The following LIMCH1 variants were observed in gnomAD, a reference collection of about 807,000 sequenced individuals.
LIMCH1 encodes LIM and calponin homology domains-containing protein 1.
A neutral mutation model predicts 176.5 loss-of-function variants in LIMCH1; 113 were observed. That is an observed-to-expected ratio of 0.64 (90% CI 0.55 to 0.75). LIMCH1 has a LOEUF of 0.75. Ranked by LOEUF, LIMCH1 falls within the 30% of genes least tolerant of loss-of-function variation. The pLI is 0.00. For missense variants in LIMCH1, 1,674 were observed against 1,814.9 expected, an observed-to-expected ratio of 0.92 and a Z score of 1.41; for synonymous variants, 619 against 645.9, an observed-to-expected ratio of 0.96 and a Z score of 0.63.
chr4:41,619,849 A>G, intron 6 of LIMCH1: 1 of 217,092 alleles, frequency 4.6e-6, no homozygotes, highest in East Asian at 9.9e-5. Context: ...AACTTGATAT[A>G]AGCTCAAATA....
intron 15 of LIMCH1, 124 bp downstream of exon 15, chr4:41,644,750 G>T: frequency 8.4e-7 from 1 of 1,186,686 alleles, no homozygotes; most frequent in African/African-American, 1.6e-5. Context: ...GTTTCAAAAG[G>T]TGACACGGTA....
At chr4:41,640,092 G>A (rs2093756799) in intron 14 of LIMCH1, among the ~76,000 whole-genome samples, 1 of 152,152 alleles carries the variant, frequency 6.6e-6, no homozygotes, top group Non-Finnish European at 1.5e-5. Context: ...AAACTCCAGG[G>A]CCAAGTTTCC....
chr4:41,602,607 A>C (rs999308843), intron 2 of LIMCH1, among the ~76,000 whole-genome samples: 7 of 152,142 alleles, frequency 4.6e-5, no homozygotes, highest in African/African-American at 7.2e-5. Flanking sequence ...TCACGAGGTC[A>C]GGAGATGGAG....
At chr4:41,684,174 G>A (rs903272264) in intron 26 of LIMCH1, among the ~76,000 whole-genome samples, 2 of 152,184 alleles carry the variant, frequency 1.3e-5, no homozygotes, top group Non-Finnish European at 2.9e-5. Context: ...TGTGGACAGA[G>A]AAGGCATCAG....
intron 1 of LIMCH1, among the ~76,000 whole-genome samples, chr4:41,446,008 A>C (rs2063244061): frequency 6.6e-6 from 1 of 152,210 alleles, no homozygotes; most frequent in African/African-American, 2.4e-5. Context: ...TAACAGAACG[A>C]AGTTTCCCTA....
chr4:41,603,641 G>A (rs1422515846), intron 2 of LIMCH1, among the ~76,000 whole-genome samples: 2 of 152,092 alleles, frequency 1.3e-5, no homozygotes, highest in South Asian at 2.1e-4. Flanking sequence ...ATAAAGCATC[G>A]TCTTTTTATA....
At chr4:41,640,205 T>A (rs1165483416) in intron 14 of LIMCH1, among the ~76,000 whole-genome samples, 1 of 152,196 alleles carries the variant, frequency 6.6e-6, no homozygotes, top group Non-Finnish European at 1.5e-5. Context: ...TGAGCCCTGG[T>A]TATTACTTTT....
intron 1 of LIMCH1, among the ~76,000 whole-genome samples, chr4:41,545,000 G>T (rs1401618500): frequency 6.6e-6 from 1 of 152,114 alleles, no homozygotes. Flanking sequence ...ATTCTGAAAG[G>T]AACTGCTCTG....
intron 21 of LIMCH1, among the ~76,000 whole-genome samples, chr4:41,670,276 C>G (rs1178377211): frequency 6.6e-6 from 1 of 152,108 alleles, no homozygotes; most frequent in East Asian, 1.9e-4. Context: ...AAACTTCTGC[C>G]ACAGACTTCT....
intron 14 of LIMCH1, 135 bp from the exon 15 acceptor site, chr4:41,644,365 C>T (rs1490113761): frequency 3.4e-6 from 4 of 1,183,878 alleles, no homozygotes; most frequent in Non-Finnish European, 4.5e-6. Flanking sequence ...CCGCCAGTCA[C>T]GCGCTGTGCG....
In LIMCH1 at chr4:41,380,523, T is replaced by A. The variant is rs553056304; in HGVS notation, c.96+19587T>A. Among the ~76,000 whole-genome samples, 12 of 152,192 alleles carry A rather than the reference T, an allele frequency of 7.9e-5. No individual in the cohort carries two copies. In the East Asian group the frequency reaches 2.1e-3, roughly 27 times the overall value. ...CATGTAATAATAATTACTGCCTCCC[T>A]GCTAGTGGAGAGCTCTGGCTCAGCA... On this transcript the variant is annotated intron_variant, in intron 1 of 26. Transcript: ENST00000313860.
rs1361658459 is a variant in LIMCH1, at chr4:41,629,597, C to T, written c.1134C>T (p.His378=). 1.6e-5 allele frequency: 24 copies of T among 1,535,998 alleles called. No individual in the cohort carries two copies. Among genetic ancestry groups the T allele is most frequent in the Non-Finnish European group, 1.8e-5 (21 of 1,146,910 alleles). ...GACTCAGGAAGGTGCCAGATCTTCACAAGGATGACCTGGCCCAGCAGAGAA... is the reference window on the plus strand; with the variant it reads ...GACTCAGGAAGGTGCCAGATCTTCATAAGGATGACCTGGCCCAGCAGAGAA... ...EGGLRKVPDL[H]KDDLAQQRIQ... The change falls in exon 9 of 32, where the codon CAC becomes CAT. Residue 378 remains histidine (H), a synonymous_variant. Transcript: ENST00000503057.
At chr4:41,455,022 T>G (rs1043681384) in intron 1 of LIMCH1, among the ~76,000 whole-genome samples, 1 of 151,440 alleles carries the variant, frequency 6.6e-6, no homozygotes, top group African/African-American at 2.4e-5. Flanking sequence ...TTTGACTGAT[T>G]AGTTGGGGTT....
At chr4:41,474,674 A>G (rs1582809033) in intron 1 of LIMCH1, among the ~76,000 whole-genome samples, 2 of 152,222 alleles carry the variant, frequency 1.3e-5, no homozygotes, top group Non-Finnish European at 2.9e-5. Flanking sequence ...ACAATAGATA[A>G]CAAACATTGG....
At chr4:41,619,875 G>A (rs1393179072) in intron 6 of LIMCH1, 2 of 205,494 alleles carry the variant, frequency 9.7e-6, no homozygotes, top group Non-Finnish European at 2.0e-5. Context: ...TGCATGGAAT[G>A]TGGTTCACAA....
intron 31 of LIMCH1, among the ~76,000 whole-genome samples, chr4:41,696,824 C>A (rs1731037036): frequency 6.6e-6 from 1 of 152,120 alleles, no homozygotes; most frequent in African/African-American, 2.4e-5. Context: ...TGCTTATTTG[C>A]CCCAGAGGAC....
intron 2 of LIMCH1, among the ~76,000 whole-genome samples, chr4:41,497,443 A>G (rs1365188806): frequency 1.3e-5 from 2 of 152,150 alleles, no homozygotes; most frequent in Non-Finnish European, 2.9e-5. Flanking sequence ...TATTATACCT[A>G]TTTTACAGAG....
At chr4:41,360,737 G>T, upstream of LIMCH1, 2 of 725,306 alleles carry the variant, frequency 2.8e-6, no homozygotes, top group Non-Finnish European at 4.1e-6. This position sits in a 1 kb window ranked among gnomAD's most constrained non-coding sequence, Gnocchi z 4.5. Context: ...GAGAGGCGGG[G>T]AGGGGAGGCC....
chr4:41,408,653 A>T (rs552749444), intron 1 of LIMCH1, among the ~76,000 whole-genome samples: 1 of 152,326 alleles, frequency 6.6e-6, no homozygotes, highest in East Asian at 1.9e-4. Context: ...AGAAATAGGA[A>T]CTAAGTAAGG....
Sources: allele counts gnomAD v4.1 joint callset (sites outside exome capture counted in the v4.1 genomes callset), GRCh38; gene constraint gnomAD v4.1.1; non-coding constraint Gnocchi (gnomAD v3.1); transcripts MANE v1.5; gene names NCBI Gene and HGNC (gene_info 2026-07-23, HGNC 2026-07-21).